Variants in WASF2 observed in about 807,000 individuals in gnomAD.
WASF2 encodes WASP family member 2, also known as actin-binding protein WASF2.
In WASF2, 14 loss-of-function variants were observed where a neutral mutation model predicts 45.0. That is an observed-to-expected ratio of 0.31 (90% CI 0.21 to 0.49). WASF2 has a LOEUF of 0.49. Ranked by LOEUF, WASF2 falls within the 20% of genes least tolerant of loss-of-function variation. The pLI is 0.99. For missense variants in WASF2, 439 were observed against 636.1 expected (o/e 0.69, Z 3.33); for synonymous variants, 200 against 236.3 (o/e 0.85, Z 1.41).
intron 2 of WASF2, among the ~76,000 whole-genome samples, chr1:27,425,819 A>G (rs916125119): frequency 1.4e-5 from 2 of 144,484 alleles, no homozygotes; most frequent in African/African-American, 5.2e-5. Context: ...AGCCTGGGCA[A>G]CAGAGTGAGA....
intron 1 of WASF2, among the ~76,000 whole-genome samples, chr1:27,477,477 T>C (rs1334157901): frequency 6.6e-6 from 1 of 152,170 alleles, no homozygotes; most frequent in African/African-American, 2.4e-5. Context: ...CAGGTGGAAG[T>C]TGCAGTGAGC....
rs2016637840 is a variant in WASF2 at position 27,404,623 on chromosome 1, C to G, written c.*3566G>C. 1 of 152,172 alleles carries G rather than the reference C, an allele frequency of 6.6e-6. No homozygotes were observed. The highest frequency in any genetic ancestry group is 1.5e-5 in the Non-Finnish European group (1 of 68,042). 9.4% of individuals were successfully genotyped at this position (152,172 alleles called of 1,614,324 possible). A position where few individuals can be genotyped will look rare whatever the true frequency, so the allele number is the denominator to read the frequency against. On this transcript the variant is annotated 3_prime_UTR_variant, in exon 9 of 9. Coordinates refer to ENST00000618852, the MANE Select transcript of WASF2 (RefSeq NM_006990.5). ...CACCCAAGAACCCACAGGAATATGT[C>G]CTTATAAATATGTTTGTATCAGAGA... is the stretch of plus-strand genomic sequence containing the variant.
intron 1 of WASF2, among the ~76,000 whole-genome samples, chr1:27,485,603 A>G (rs1175711466): frequency 1.3e-5 from 2 of 152,186 alleles, no homozygotes; most frequent in Non-Finnish European, 2.9e-5. Flanking sequence ...GTATGACAGA[A>G]ACAACAAAAG....
intron 1 of WASF2, among the ~76,000 whole-genome samples, chr1:27,463,804 A>ATT (rs1553151290): frequency 7.3e-6 from 1 of 137,190 alleles, no homozygotes; most frequent in Admixed American, 7.4e-5. Flanking sequence ...TATTATTATT[A>ATT]TTTTTTTTTT....
intron 2 of WASF2, among the ~76,000 whole-genome samples, chr1:27,421,689 G>A (rs369575628): frequency 3.4e-4 from 51 of 152,224 alleles, no homozygotes; most frequent in African/African-American, 6.5e-4. Flanking sequence ...GGTGGCAGGC[G>A]CCTGTAATCC....
At chr1:27,471,237 T>C (rs987164936) in intron 1 of WASF2, among the ~76,000 whole-genome samples, 1 of 146,646 alleles carries the variant, frequency 6.8e-6, no homozygotes, top group Admixed American at 7.0e-5. Flanking sequence ...CCCAGCTACT[T>C]GGGAGGCTGA....
At chr1:27,416,482 C>A (rs1051876730) in intron 4 of WASF2, among the ~76,000 whole-genome samples, 5 of 152,204 alleles carry the variant, frequency 3.3e-5, no homozygotes, top group Admixed American at 3.3e-4. Context: ...TCTTTTCCCA[C>A]CAGTTCCCCA....
intron 1 of WASF2, among the ~76,000 whole-genome samples, chr1:27,464,275 G>A (rs1011185826): frequency 2.0e-5 from 3 of 151,834 alleles, no homozygotes; most frequent in Non-Finnish European, 4.4e-5. Flanking sequence ...CAGCTATTCA[G>A]GAGGCTAAGG....
At chr1:27,450,432 T>A (rs1557610526) in intron 1 of WASF2, among the ~76,000 whole-genome samples, 3 of 152,126 alleles carry the variant, frequency 2.0e-5, no homozygotes, top group Non-Finnish European at 2.9e-5. Context: ...TGTCTTCCTC[T>A]CCTCAATACT....
In WASF2 at chr1:27,408,142, G is replaced by T. The variant is rs762457809; in HGVS notation, c.*47C>A. The T allele has an allele frequency of 1.9e-6, 3 of 1,590,856 alleles. No homozygotes were observed. The highest frequency in any genetic ancestry group is 2.7e-5 in the African/African-American group (2 of 74,514). On this transcript the variant is annotated 3_prime_UTR_variant, in exon 9 of 9. Coordinates refer to ENST00000618852, the MANE Select transcript of WASF2 (RefSeq NM_006990.5). Reference sequence around the variant, plus strand: ...TCTGTTGGGGTTGGCATCAAAGAAGGCAGGTAGGAAGGAAAGAAAAAGAAG... The same window carrying T: ...TCTGTTGGGGTTGGCATCAAAGAAGTCAGGTAGGAAGGAAAGAAAAAGAAG...
chr1:27,448,774 G>A (rs763048692), intron 1 of WASF2, among the ~76,000 whole-genome samples: 15 of 150,734 alleles, frequency 1.0e-4, no homozygotes, highest in Middle Eastern at 3.4e-3. Flanking sequence ...CCTGTGAGGC[G>A]GAGGTAGCAG....
intron 2 of WASF2, among the ~76,000 whole-genome samples, chr1:27,424,225 A>G (rs991464606): frequency 6.6e-6 from 1 of 152,182 alleles, no homozygotes; most frequent in Non-Finnish European, 1.5e-5. Flanking sequence ...CCTGAAGCAC[A>G]TATGAACCCT....
chr1:27,412,540 C>CAAT (rs751239521), intron 7 of WASF2, 32 bp downstream of exon 7: 109 of 1,613,034 alleles, frequency 6.8e-5, no homozygotes, highest in Non-Finnish European at 1.0e-5. Context: ...GTATAACTAC[C>CAAT]AATAGTGGAT....
chr1:27,488,719 C>T (rs903530476), intron 1 of WASF2, among the ~76,000 whole-genome samples: 1 of 152,200 alleles, frequency 6.6e-6, no homozygotes, highest in African/African-American at 2.4e-5. Context: ...AGTCAAATCA[C>T]ATATCTGAGG....
intron 2 of WASF2, among the ~76,000 whole-genome samples, chr1:27,423,618 C>A (rs2016937596): frequency 6.6e-6 from 1 of 152,184 alleles, no homozygotes; most frequent in African/African-American, 2.4e-5. Flanking sequence ...CTAGGAAAAA[C>A]CAAAGTGTCT....
chr1:27,488,977 G>A (rs1359089703), intron 1 of WASF2, among the ~76,000 whole-genome samples: 1 of 152,118 alleles, frequency 6.6e-6, no homozygotes, highest in African/African-American at 2.4e-5. Flanking sequence ...ACACCTAGTA[G>A]GGCTGCCATA....
chr1:27,455,100 G>A (rs1186101277), intron 1 of WASF2, among the ~76,000 whole-genome samples: 1 of 152,010 alleles, frequency 6.6e-6, no homozygotes, highest in East Asian at 1.9e-4. Flanking sequence ...AGTTCTAGTT[G>A]CTTCACATCC....
At chr1:27,420,976 G>A in intron 2 of WASF2, among the ~76,000 whole-genome samples, 1 of 152,286 alleles carries the variant, frequency 6.6e-6, no homozygotes, top group South Asian at 2.1e-4. Flanking sequence ...GGAAAAAATA[G>A]CCTGAAAGGC....
chr1:27,435,040 A>G (rs982711830), intron 1 of WASF2, among the ~76,000 whole-genome samples: 6 of 152,042 alleles, frequency 3.9e-5, no homozygotes, highest in Non-Finnish European at 7.4e-5. Context: ...TCCGCCTCCC[A>G]GGTTCAAGCA....
Sources: allele counts gnomAD v4.1 joint callset (sites outside exome capture counted in the v4.1 genomes callset), GRCh38; gene constraint gnomAD v4.1.1; transcripts MANE v1.5; gene names NCBI Gene and HGNC (gene_info 2026-07-23, HGNC 2026-07-21).